Variants in AP1G1 observed in about 807,000 individuals in gnomAD.
AP1G1 encodes the protein adaptor related protein complex 1 subunit gamma 1.
A neutral mutation model predicts 108.3 loss-of-function variants in AP1G1; 7 were observed. The ratio of observed to expected loss-of-function variants is 0.06; its 90% CI spans 0.04 to 0.12. The LOEUF is 0.12. Ranked by LOEUF, AP1G1 falls within the 10% of genes least tolerant of loss-of-function variation. AP1G1 has a pLI of 1.00. For synonymous variants in AP1G1, 379 were observed against 353.5 expected (o/e 1.07, Z -0.81); for missense variants, 756 against 1,010.7 (o/e 0.75, Z 3.42).
In AP1G1 at chr16:71,764,694, T is replaced by C. The variant is rs1859688153; in HGVS notation, c.771A>G (p.Gly257=). The change falls in exon 8 of 23, where the codon GGA becomes GGG. Residue 257 remains glycine, a synonymous_variant. Transcript: ENST00000299980. The part of the protein sequence containing the change: ...VRILRLLRIL[G]RNDDDSSEAM... The stretch of plus-strand genomic sequence containing the variant: ...CTTCACTTGAATCATCATCATTTCG[T>C]CCTAAAATTCTTAATAACCGCAAAA... 1.2e-6 allele frequency: 2 copies of C among 1,611,730 alleles called. No individual in the cohort carries two copies. Among genetic ancestry groups the C allele is most frequent in the African/African-American group, 1.3e-5 (1 of 74,858 alleles).
At chr16:71,804,018 G>GCTA (rs1012366321) in intron 1 of AP1G1, among the ~76,000 whole-genome samples, 4 of 151,020 alleles carry the variant, frequency 2.6e-5, no homozygotes, top group African/African-American at 9.7e-5. Context: ...CTGTAAAAAT[G>GCTA]CTACTACATT....
intron 1 of AP1G1, 101 bp downstream of exon 1, chr16:71,808,662 G>C (rs1273763461): frequency 1.6e-6 from 2 of 1,289,096 alleles, no homozygotes; most frequent in Admixed American, 2.3e-5. Flanking sequence ...CACAGCCTGG[G>C]ACTGGACCCC....
intron 1 of AP1G1, among the ~76,000 whole-genome samples, chr16:71,804,671 G>C (rs899481497): frequency 1.3e-5 from 2 of 152,078 alleles, no homozygotes; most frequent in African/African-American, 2.4e-5. Flanking sequence ...GCCTCCCAAA[G>C]TGCTGGGATT....
intron 21 of AP1G1, among the ~76,000 whole-genome samples, chr16:71,738,696 T>C (rs565487242): frequency 6.6e-6 from 1 of 152,332 alleles, no homozygotes. Context: ...AATTCTGCTC[T>C]CACTACTATT....
At chr16:71,747,221 T>C (rs1453597817) in intron 16 of AP1G1, 1 of 152,196 alleles carries the variant, frequency 6.6e-6, no homozygotes, top group African/African-American at 2.4e-5. Flanking sequence ...TAAATATGCT[T>C]GGGTGGGAAA....
At chr16:71,802,734 A>AG (rs1439237848) in intron 1 of AP1G1, among the ~76,000 whole-genome samples, 1 of 151,650 alleles carries the variant, frequency 6.6e-6, no homozygotes, top group African/African-American at 2.4e-5. Flanking sequence ...TGTCTCAAAA[A>AG]AAAAATTCGT....
At chr16:71,768,958 C>A in intron 6 of AP1G1, among the ~76,000 whole-genome samples, 3 of 108,746 alleles carry the variant, frequency 2.8e-5, no homozygotes, top group South Asian at 6.5e-4. Context: ...AAAGAAATTC[C>A]TGCCTTTAAA....
chr16:71,732,338 A>G lies in AP1G1; in HGVS notation c.*720T>C, dbSNP rs1004264385. The G allele has an allele frequency of 6.6e-5, 10 of 152,628 alleles. No individual in the cohort carries two copies. The allele number at this position is 152,628 out of a possible 1,614,324, so 9.5% of individuals were successfully genotyped here. A position where few individuals can be genotyped will look rare whatever the true frequency, so the allele number is the denominator to read the frequency against. ...GTTTCTATTACAAATAGAGCACCAT[A>G]TCCTTCATGCCAAATCTCAACAAAA... On this transcript the variant is annotated 3_prime_UTR_variant, in exon 23 of 23. Coordinates refer to ENST00000299980, the MANE Select transcript of AP1G1 (RefSeq NM_001128.6).
intron 1 of AP1G1, among the ~76,000 whole-genome samples, chr16:71,800,774 C>T (rs1200293045): frequency 6.6e-6 from 1 of 151,812 alleles, no homozygotes; most frequent in Non-Finnish European, 1.5e-5. Context: ...GCACTCCAGC[C>T]TGGGCAACAC....
At chr16:71,793,796 G>C (rs2032486612) in intron 1 of AP1G1, among the ~76,000 whole-genome samples, 1 of 151,418 alleles carries the variant, frequency 6.6e-6, no homozygotes, top group Non-Finnish European at 1.5e-5. Flanking sequence ...TGCAATCTCT[G>C]CCTCCTTGGC....
rs575539194 is a variant in AP1G1 at position 71,745,309 on chromosome 16, A to G, written c.1873-39T>C. The G allele has an allele frequency of 2.5e-5, 40 of 1,612,926 alleles. No individual in the cohort carries two copies. In the African/African-American group the frequency reaches 5.2e-4, roughly 21 times the overall value. On this transcript the variant is annotated intron_variant, in intron 18 of 22. Coordinates refer to ENST00000299980, the MANE Select transcript of AP1G1 (RefSeq NM_001128.6). ...CAACACCTCAATTCATTATTATTTGATTTGTCTAGTATACATCTAATGCAA... is the reference window on the plus strand; with the variant it reads ...CAACACCTCAATTCATTATTATTTGGTTTGTCTAGTATACATCTAATGCAA...
intron 2 of AP1G1, among the ~76,000 whole-genome samples, chr16:71,779,753 TTA>T (rs1172129922): frequency 6.6e-6 from 1 of 152,108 alleles, no homozygotes; most frequent in Non-Finnish European, 1.5e-5. Context: ...ATGTTGCCAT[TTA>T]TCAGTGTTTA....
intron 19 of AP1G1, among the ~76,000 whole-genome samples, chr16:71,740,670 T>C (rs1045790471): frequency 2.0e-5 from 3 of 152,132 alleles, no homozygotes; most frequent in Non-Finnish European, 4.4e-5. Context: ...AAAGAACACA[T>C]TCAGTTGGAT....
chr16:71,804,644 G>T (rs572861385), intron 1 of AP1G1, among the ~76,000 whole-genome samples: 33 of 150,768 alleles, frequency 2.2e-4, no homozygotes, highest in Non-Finnish European at 4.4e-4. Flanking sequence ...CTGACCTCAA[G>T]TGATCCGCCT....
At chr16:71,737,122 T>G (rs1166830366) in intron 21 of AP1G1, among the ~76,000 whole-genome samples, 1 of 152,072 alleles carries the variant, frequency 6.6e-6, no homozygotes, top group South Asian at 2.1e-4. Context: ...TAAGCAACCT[T>G]AGGAAGTGGC....
intron 1 of AP1G1, chr16:71,807,679 A>C (rs2033041069): frequency 1.7e-6 from 1 of 584,210 alleles, no homozygotes; most frequent in Admixed American, 3.4e-5. Flanking sequence ...TATTTTTTAG[A>C]ATCAGTCAGC....
chr16:71,744,027 G>C (rs1309432505), intron 19 of AP1G1, among the ~76,000 whole-genome samples: 1 of 151,410 alleles, frequency 6.6e-6, no homozygotes, highest in Non-Finnish European at 1.5e-5. Context: ...GGGGGATCAT[G>C]AGGTCAGGAG....
intron 6 of AP1G1, among the ~76,000 whole-genome samples, chr16:71,765,968 A>C (rs1245282430): frequency 2.0e-5 from 3 of 152,196 alleles, no homozygotes; most frequent in Non-Finnish European, 4.4e-5. Context: ...TCACCCATTC[A>C]AACATTTGCA....
rs142265941 is a variant in AP1G1, at chr16:71,786,608, G to A, written c.201+2671C>T. ...CCTGAGTAGCTGGGACTACAGGCAC[G>A]CACCACCATGCCCAGCTAATTTTTG... On this transcript the variant is annotated intron_variant, in intron 2 of 22. Transcript: ENST00000299980. Among the ~76,000 whole-genome samples the A allele has an allele frequency of 9.6e-3, 1,465 of 152,114 alleles. 10 individuals are homozygous for A. The highest frequency in any genetic ancestry group is 0.016 in the Non-Finnish European group (1,056 of 68,002).
Sources: gnomAD v4.1 joint callset for allele counts (sites outside exome capture counted in the v4.1 genomes callset) on GRCh38, gnomAD v4.1.1 for gene constraint, MANE v1.5 for transcripts, NCBI Gene and HGNC (gene_info 2026-07-23, HGNC 2026-07-21) for gene names.